PDZD2: variants seen among roughly 807,000 people sequenced by gnomAD.
The protein encoded by PDZD2 is PDZ domain containing 2.
Under a neutral mutation model 220.7 loss-of-function variants are expected in PDZD2, and 90 were observed. The ratio of observed to expected loss-of-function variants is 0.41; its 90% CI spans 0.34 to 0.49. The LOEUF (loss-of-function observed/expected upper bound fraction) is 0.49. Ranked by LOEUF, PDZD2 falls within the 20% of genes least tolerant of loss-of-function variation. PDZD2 has a pLI of 0.28. For missense variants in PDZD2, 3,174 were observed against 3,608.5 expected, an observed-to-expected ratio of 0.88 and a Z score of 3.08; for synonymous variants, 1,375 against 1,450.5, an observed-to-expected ratio of 0.95 and a Z score of 1.18.
Position 32,087,270 on chromosome 5 carries a change from C to A in PDZD2, c.3822C>A (p.Thr1274=). ...NPSQPASPRV[T]KCKARSPVRL... ...GCCAGCCTGCATCGCCCAGGGTCACCAAGTGCAAGGCCAGGTCTCCAGTCA... is the reference window on the plus strand; with the variant it reads ...GCCAGCCTGCATCGCCCAGGGTCACAAAGTGCAAGGCCAGGTCTCCAGTCA... The change falls in exon 20 of 25, where the codon ACC becomes ACA. Residue 1274 remains threonine (T), a synonymous_variant. Transcript: ENST00000438447. The surrounding 1 kb of genome is among the most constrained non-coding windows in gnomAD (Gnocchi z 4.0). 6.2e-7 allele frequency: 1 copy of A among 1,614,180 alleles called. No homozygotes were observed. The highest frequency in any genetic ancestry group is 1.3e-5 in the African/African-American group (1 of 75,054).
In PDZD2 at chr5:31,749,596, G is replaced by A. The variant is rs949832381; in HGVS notation, c.-360-49293G>A. 4.1e-4 allele frequency among the ~76,000 whole-genome samples: 62 copies of A among 152,082 alleles called. 1 individual carries two copies. Among genetic ancestry groups the A allele is most frequent in the Non-Finnish European group, 1.6e-4 (11 of 68,018 alleles). Reference sequence around the variant, plus strand: ...CCGCCACCATGCCTGGCTAATTTTTGTATTTTCAGTAGAGACAGCGTTTCA... The same window carrying A: ...CCGCCACCATGCCTGGCTAATTTTTATATTTTCAGTAGAGACAGCGTTTCA... On this transcript the variant is annotated intron_variant, in intron 1 of 24. Transcript: ENST00000438447.
At chr5:32,075,262 G>T (rs888617140) in intron 18 of PDZD2, among the ~76,000 whole-genome samples, 2 of 152,196 alleles carry the variant, frequency 1.3e-5, no homozygotes, top group African/African-American at 4.8e-5. Flanking sequence ...GGCCTGGCAT[G>T]AGCTCCACTG....
chr5:31,807,912 C>G (rs903257783), intron 2 of PDZD2, among the ~76,000 whole-genome samples: 1 of 152,116 alleles, frequency 6.6e-6, no homozygotes, highest in African/African-American at 2.4e-5. Context: ...GCACAGTACC[C>G]GCTGCCTTGA....
In PDZD2 at chr5:32,074,415, C is replaced by T. The variant is rs763153761; in HGVS notation, c.3309C>T (p.Ser1103=). ...TDTQSPTNTG[S]PSSPQQKSEG... ...CCCAGAGTCCGACGAACACTGGGAG[C>T]CCCAGTTCCCCCCAGCAGAAAAGTG... Residue 1103 remains serine, a synonymous_variant, in exon 18 of 25, where the codon AGC becomes AGT. Coordinates refer to ENST00000438447, the MANE Select transcript of PDZD2 (RefSeq NM_178140.4). 1 of 1,614,070 alleles carries T rather than the reference C, an allele frequency of 6.2e-7. No homozygotes were observed. The highest frequency in any genetic ancestry group is 8.5e-7 in the Non-Finnish European group (1 of 1,179,906).
intron 1 of PDZD2, among the ~76,000 whole-genome samples, chr5:31,700,813 C>T (rs1747574511): frequency 6.6e-6 from 1 of 152,192 alleles, no homozygotes; most frequent in South Asian, 2.1e-4. Context: ...TCCCACATCC[C>T]AGGAAACCTT....
chr5:32,044,758 A>T (rs2112269335), intron 7 of PDZD2, among the ~76,000 whole-genome samples: 1 of 152,288 alleles, frequency 6.6e-6, no homozygotes. Context: ...ACTTCACGTG[A>T]TATTTACATG....
chr5:31,829,965 T>C (rs924321857), intron 2 of PDZD2, among the ~76,000 whole-genome samples: 4 of 151,936 alleles, frequency 2.6e-5, no homozygotes, highest in Non-Finnish European at 5.9e-5. Flanking sequence ...AGAGGGTCGC[T>C]TGAACCTAGG....
At chr5:32,004,167 T>G (rs1319283225) in intron 5 of PDZD2, among the ~76,000 whole-genome samples, 1 of 151,712 alleles carries the variant, frequency 6.6e-6, no homozygotes, top group Non-Finnish European at 1.5e-5. Flanking sequence ...GGAAAACTGG[T>G]TCCTCGATGA....
At chr5:31,943,319 C>T (rs1377554390) in intron 2 of PDZD2, among the ~76,000 whole-genome samples, 1 of 152,026 alleles carries the variant, frequency 6.6e-6, no homozygotes, top group Admixed American at 6.5e-5. Context: ...GGCAAGAAAA[C>T]TACCCTGAAA....
At chr5:31,945,633 T>C (rs1746567113) in intron 2 of PDZD2, among the ~76,000 whole-genome samples, 1 of 151,936 alleles carries the variant, frequency 6.6e-6, no homozygotes, top group Non-Finnish European at 1.5e-5. Flanking sequence ...CAACCCTGTT[T>C]TTCCCCCTTG....
chr5:31,893,505 G>C (rs142787366), intron 2 of PDZD2, among the ~76,000 whole-genome samples: 3 of 152,202 alleles, frequency 2.0e-5, no homozygotes, highest in African/African-American at 7.2e-5. Flanking sequence ...GGGAGGCAGA[G>C]GTTACAGTGA....
At chr5:32,012,100 C>T (rs1753367218) in intron 6 of PDZD2, among the ~76,000 whole-genome samples, 2 of 152,132 alleles carry the variant, frequency 1.3e-5, no homozygotes, top group Admixed American at 1.3e-4. Flanking sequence ...ACTGTATATC[C>T]TTCACTAGCA....
At chr5:32,071,243 A>G (rs987526225) in intron 15 of PDZD2, 141 bp from the exon 16 acceptor site, 7 of 734,258 alleles carry the variant, frequency 9.5e-6, no homozygotes, top group East Asian at 7.3e-5. Flanking sequence ...TGCACGTCTA[A>G]CCCTGTGCAT....
At position 31,812,635 on chromosome 5, in the gene PDZD2, A is replaced by C. The variant is rs1484826148; in HGVS notation, c.476+12911A>C. ...ATCCACTTTGGGCTTATGTCAAGGG[A>C]CTGGAGTTTATGTAGGCTCACCTGA... On this transcript the variant is annotated intron_variant, in intron 2 of 24. Coordinates refer to ENST00000438447, the MANE Select transcript of PDZD2 (RefSeq NM_178140.4). Among the ~76,000 whole-genome samples the C allele has an allele frequency of 8.5e-5, 13 of 152,146 alleles. No individual in the cohort carries two copies. In the East Asian group the frequency reaches 2.3e-3, roughly 27 times the overall value.
intron 2 of PDZD2, among the ~76,000 whole-genome samples, chr5:31,840,205 C>T (rs1023166749): frequency 6.7e-6 from 1 of 149,360 alleles, no homozygotes; most frequent in Non-Finnish European, 1.5e-5. Context: ...CCAATGCACT[C>T]GAGCCTGGGT....
chr5:31,873,791 T>A (rs1739055562), intron 2 of PDZD2, among the ~76,000 whole-genome samples: 2 of 151,436 alleles, frequency 1.3e-5, no homozygotes, highest in South Asian at 4.2e-4. Context: ...AGTGCAATGG[T>A]GTGATCTCGG....
intron 13 of PDZD2, 77 bp downstream of exon 13, chr5:32,059,433 T>C: frequency 1.4e-6 from 1 of 690,504 alleles, no homozygotes; most frequent in South Asian, 2.2e-5. Flanking sequence ...ATTTGTTCTA[T>C]TACTTCCCTT....
In PDZD2 at chr5:31,997,158, G is replaced by A. The variant is rs567336373; in HGVS notation, c.1121+1440G>A. Among the ~76,000 whole-genome samples, 10 of 152,296 alleles carry A rather than the reference G, an allele frequency of 6.6e-5. No homozygotes were observed. In the South Asian group the frequency reaches 2.1e-3, roughly 32 times the overall value. ...AAAGGAGAGTTTCGTTGATAAGCGA[G>A]TTGATCATCTTTTATCTAGTCCGGA... On this transcript the variant is annotated intron_variant, in intron 4 of 24. Transcript: ENST00000438447.
At chr5:32,002,690 CCA>C (rs780380388) in intron 5 of PDZD2, among the ~76,000 whole-genome samples, 1,425 of 129,804 alleles carry the variant, frequency 0.011, 8 homozygotes, top group South Asian at 0.026. Flanking sequence ...CCAACACACA[CCA>C]CACACACCAC....
Sources: gnomAD v4.1 joint callset for allele counts (sites outside exome capture counted in the v4.1 genomes callset) on GRCh38, gnomAD v4.1.1 for gene constraint, Gnocchi (gnomAD v3.1) non-coding constraint, MANE v1.5 for transcripts, NCBI Gene and HGNC (gene_info 2026-07-23, HGNC 2026-07-21) for gene names.